FAR2: variants seen among roughly 807,000 people sequenced by gnomAD.
FAR2 encodes the protein fatty acyl-CoA reductase 2, also known as epididymis secretory protein Li 81.
A neutral mutation model predicts 56.0 loss-of-function variants in FAR2; 19 were observed. That is an observed-to-expected ratio of 0.34 (90% CI 0.24 to 0.50). The LOEUF is 0.50. Among genes scored for constraint, FAR2 ranks in the 20% least tolerant of loss-of-function variants. The pLI, the probability that FAR2 is intolerant of heterozygous loss-of-function variation, is 0.98. For synonymous variants in FAR2, 219 were observed against 218.8 expected, an observed-to-expected ratio of 1.00 and a Z score of -0.01; for missense variants, 508 against 642.2, an observed-to-expected ratio of 0.79 and a Z score of 2.26.
chr12:29,329,218 A>G (rs1949695228), intron 10 of FAR2, among the ~76,000 whole-genome samples: 1 of 152,250 alleles, frequency 6.6e-6, no homozygotes, highest in South Asian at 2.1e-4. Context: ...TTTATAAATC[A>G]AAAACAAATC....
intron 1 of FAR2, among the ~76,000 whole-genome samples, chr12:29,182,618 C>T (rs1565684388): frequency 6.6e-6 from 1 of 152,172 alleles, no homozygotes; most frequent in African/African-American, 2.4e-5. Context: ...CTGGCTTCAC[C>T]TCTCACTATC....
chr12:29,331,178 C>G (rs1262064210), intron 10 of FAR2, among the ~76,000 whole-genome samples: 1 of 150,212 alleles, frequency 6.7e-6, no homozygotes, highest in African/African-American at 2.4e-5. Context: ...AACTTTCTTT[C>G]ACTGTACGTG....
At chr12:29,303,029 C>A (rs886734130) in intron 4 of FAR2, among the ~76,000 whole-genome samples, 1 of 152,164 alleles carries the variant, frequency 6.6e-6, no homozygotes, top group Non-Finnish European at 1.5e-5. Flanking sequence ...AAATTCAATT[C>A]TGTTGAAATT....
intron 1 of FAR2, among the ~76,000 whole-genome samples, chr12:29,208,542 A>G (rs1172204896): frequency 6.6e-6 from 1 of 152,122 alleles, no homozygotes; most frequent in Non-Finnish European, 1.5e-5. Flanking sequence ...CTATCATCAG[A>G]TTTTACTCAA....
At chr12:29,308,811 A>G (rs1949300113) in intron 5 of FAR2, among the ~76,000 whole-genome samples, 1 of 151,752 alleles carries the variant, frequency 6.6e-6, no homozygotes. Context: ...CATGTTTTCA[A>G]TGTTCTCCTA....
In FAR2 at chr12:29,332,686, G is replaced by A; in HGVS notation, c.1344G>A (p.Glu448=). ...VLGVKKYLLK[E]DMAGIPKAKQ... is the part of the protein sequence containing the mutation. ...GAGTTAAAAAATACTTATTGAAAGAGGATATGGCTGGGATCCCAAAAGCAA... is the reference window on the plus strand; with the variant it reads ...GAGTTAAAAAATACTTATTGAAAGAAGATATGGCTGGGATCCCAAAAGCAA... The change falls in exon 11 of 12, where the codon GAG becomes GAA. Residue 448 remains glutamate (E), a synonymous_variant. Coordinates refer to ENST00000536681, the MANE Select transcript of FAR2 (RefSeq NM_001271783.2). 6.2e-7 allele frequency: 1 copy of A among 1,613,670 alleles called. No homozygotes were observed. Among genetic ancestry groups the A allele is most frequent in the Non-Finnish European group, 8.5e-7 (1 of 1,179,780 alleles).
At chr12:29,215,490 T>C (rs1947611759) in intron 1 of FAR2, among the ~76,000 whole-genome samples, 1 of 152,178 alleles carries the variant, frequency 6.6e-6, no homozygotes, top group Non-Finnish European at 1.5e-5. Context: ...TGGAAACTGA[T>C]CAAATAATTA....
At chr12:29,259,829 G>T (rs934355060) in intron 1 of FAR2, among the ~76,000 whole-genome samples, 1 of 152,070 alleles carries the variant, frequency 6.6e-6, no homozygotes, top group African/African-American at 2.4e-5. Context: ...TCAGCCATCC[G>T]ATACCATACA....
intron 3 of FAR2, among the ~76,000 whole-genome samples, chr12:29,294,228 T>A (rs1218983111): frequency 6.6e-6 from 1 of 152,262 alleles, no homozygotes. Flanking sequence ...GCTAATGATA[T>A]TTAAATGCTT....
intron 1 of FAR2, among the ~76,000 whole-genome samples, chr12:29,262,524 G>T (rs1342508502): frequency 3.3e-5 from 5 of 152,178 alleles, no homozygotes; most frequent in Non-Finnish European, 5.9e-5. Context: ...CAGCTACTCA[G>T]GAGGCTGAGA....
chr12:29,293,377 T>C lies in FAR2; in HGVS notation c.267T>C (p.Asn89=). The C allele has an allele frequency of 6.2e-7, 1 of 1,613,146 alleles. No individual in the cohort carries two copies. The highest frequency in any genetic ancestry group is 8.5e-7 in the Non-Finnish European group (1 of 1,179,684). ...CTATTTATGCAGATCTCAATCAGAA[T>C]GACTTTGCCATCAGCAAAGAGGACA... ...IRAIYADLNQ[N]DFAISKEDMQ... The change falls in exon 3 of 12, where the codon AAT becomes AAC. Residue 89 remains asparagine (N), a synonymous_variant. Transcript: ENST00000536681.
chr12:29,308,741 T>C (rs1468735968), intron 5 of FAR2, among the ~76,000 whole-genome samples: 12 of 150,550 alleles, frequency 8.0e-5, no homozygotes, highest in Admixed American at 7.9e-4. Context: ...TATGTATATA[T>C]ATCTGGCATG....
chr12:29,215,428 G>A (rs1270944024), intron 1 of FAR2, among the ~76,000 whole-genome samples: 1 of 152,124 alleles, frequency 6.6e-6, no homozygotes. Context: ...CTGTTGTTTT[G>A]GTTAAGCTCC....
chr12:29,216,525 C>T (rs976280881), intron 1 of FAR2, among the ~76,000 whole-genome samples: 2 of 152,106 alleles, frequency 1.3e-5, no homozygotes, highest in Non-Finnish European at 2.9e-5. Flanking sequence ...AAGCCTGATT[C>T]AGAAAGGGAA....
intron 1 of FAR2, among the ~76,000 whole-genome samples, chr12:29,213,468 T>A (rs1348139130): frequency 6.6e-6 from 1 of 152,114 alleles, no homozygotes; most frequent in East Asian, 1.9e-4. Context: ...GGCGGGTAGA[T>A]CACCTGAGGC....
At chr12:29,162,653 T>C (rs1362323457) in intron 1 of FAR2, among the ~76,000 whole-genome samples, 2 of 152,188 alleles carry the variant, frequency 1.3e-5, no homozygotes, top group Non-Finnish European at 2.9e-5. Flanking sequence ...TGAAAAAAAT[T>C]AATAGTGTGG....
intron 1 of FAR2, among the ~76,000 whole-genome samples, chr12:29,217,201 G>A (rs915895733): frequency 2.0e-5 from 3 of 152,200 alleles, no homozygotes; most frequent in Non-Finnish European, 4.4e-5. Flanking sequence ...TGAAAATTTA[G>A]AGAAGTCCTT....
At chr12:29,154,726 C>A (rs1417466577) in intron 1 of FAR2, among the ~76,000 whole-genome samples, 2 of 152,174 alleles carry the variant, frequency 1.3e-5, no homozygotes, top group African/African-American at 4.8e-5. Flanking sequence ...CACTGGGCCC[C>A]TACTTAACCA....
At chr12:29,226,274 A>C (rs933428096) in intron 1 of FAR2, among the ~76,000 whole-genome samples, 2 of 152,328 alleles carry the variant, frequency 1.3e-5, no homozygotes, top group Admixed American at 6.5e-5. Flanking sequence ...AGAGTAAAAA[A>C]ATTGTGAGCA....
Sources: gnomAD v4.1 joint callset for allele counts (sites outside exome capture counted in the v4.1 genomes callset) on GRCh38, gnomAD v4.1.1 for gene constraint, MANE v1.5 for transcripts, NCBI Gene and HGNC (gene_info 2026-07-23, HGNC 2026-07-21) for gene names.